LUC7L2: variants seen among roughly 807,000 people sequenced by gnomAD.
LUC7L2 encodes the protein putative RNA-binding protein Luc7-like 2.
Under a neutral mutation model 52.8 loss-of-function variants are expected in LUC7L2, and 25 were observed. That is an observed-to-expected ratio of 0.47 (90% CI 0.34 to 0.66). The LOEUF (loss-of-function observed/expected upper bound fraction) is 0.66, where lower values mean the gene tolerates loss of function less well. LUC7L2 is among the 30% of genes least tolerant of loss of function. LUC7L2 has a pLI of 0.01. For missense variants in LUC7L2, 328 were observed against 497.8 expected (o/e 0.66, Z 3.25); for synonymous variants, 144 against 160.9 (o/e 0.89, Z 0.80).
intron 1 of LUC7L2, among the ~76,000 whole-genome samples, chr7:139,342,918 C>T (rs992164784): frequency 1.3e-5 from 2 of 152,226 alleles, no homozygotes; most frequent in African/African-American, 4.8e-5. Flanking sequence ...GAAATGGTTT[C>T]TGTTTCCTTC....
At chr7:139,374,278 CTT>C in intron 1 of LUC7L2, 1 of 723,638 alleles carries the variant, frequency 1.4e-6, no homozygotes, top group Non-Finnish European at 2.3e-6. Context: ...ATTTTGTTCA[CTT>C]TTGTTTTTAT....
At chr7:139,348,877 AGGGCT>A (rs1799357994) in intron 1 of LUC7L2, among the ~76,000 whole-genome samples, 1 of 151,052 alleles carries the variant, frequency 6.6e-6, no homozygotes. Context: ...TAAAACACTT[AGGGCT>A]GGGCATGGTG....
At chr7:139,414,894 A>C (rs189934045) in intron 8 of LUC7L2, among the ~76,000 whole-genome samples, 1 of 151,742 alleles carries the variant, frequency 6.6e-6, no homozygotes, top group Non-Finnish European at 1.5e-5. Context: ...AACATCTTTT[A>C]ATTTTTTTTT....
rs369279070 is a variant in LUC7L2, at chr7:139,366,611, A to G, written c.61+6289A>G. The stretch of plus-strand genomic sequence containing the variant: ...ATGCCGATTCATATACATGATGTCT[A>G]TGGCTGCTTTGGCTTACGACAGCAG... On this transcript the variant is annotated intron_variant, in intron 1 of 9. Transcript: ENST00000354926. Among the ~76,000 whole-genome samples, 49 of 152,334 alleles carry G rather than the reference A, an allele frequency of 3.2e-4. 1 individual carries two copies. Among genetic ancestry groups the G allele is most frequent in the Middle Eastern group, 6.8e-3 (2 of 294 alleles).
At chr7:139,409,763 A>C in intron 7 of LUC7L2, 109 bp downstream of exon 7, 2 of 1,383,548 alleles carry the variant, frequency 1.4e-6, no homozygotes, top group South Asian at 3.6e-5. Flanking sequence ...GGACGTGGGA[A>C]ACTTCTGCTT....
chr7:139,367,349 G>T (rs1298063884), intron 1 of LUC7L2, among the ~76,000 whole-genome samples: 1 of 151,962 alleles, frequency 6.6e-6, no homozygotes, highest in Admixed American at 6.6e-5. Context: ...AAAATTTTAA[G>T]TTAATTTTAA....
intron 5 of LUC7L2, 55 bp from the exon 6 acceptor site, chr7:139,407,119 T>C: frequency 6.6e-7 from 1 of 1,518,006 alleles, no homozygotes; most frequent in Non-Finnish European, 8.8e-7. Flanking sequence ...TTTTATTTAA[T>C]TGTATGACTT....
rs965634512 is a variant in LUC7L2 at position 139,341,211 on chromosome 7, G to C, written c.-26+694G>C. 8 of 1,187,160 alleles carry C rather than the reference G, an allele frequency of 6.7e-6. No homozygotes were observed. The East Asian group carries it at 8.0e-5, about 12-fold the overall frequency. The allele number at this position is 1,187,160 out of a possible 1,614,324, so 73.5% of individuals were successfully genotyped here. A position where few individuals can be genotyped will look rare whatever the true frequency, so the allele number is the denominator to read the frequency against. ...CGTTTGATTTTGTTACGGCGCCCCT[G>C]GGCCTTCGATTAATAAGGTTCGGTC... On this transcript the variant is annotated intron_variant, in intron 1 of 10. Coordinates refer to the LUC7L2 transcript ENST00000541170.
At chr7:139,386,370 C>G (rs905681902) in intron 2 of LUC7L2, among the ~76,000 whole-genome samples, 1 of 151,084 alleles carries the variant, frequency 6.6e-6, no homozygotes, top group East Asian at 2.0e-4. Flanking sequence ...TACAAAATCT[C>G]TGTCACTGGA....
intron 7 of LUC7L2, 133 bp downstream of exon 7, chr7:139,409,787 T>C (rs1585128067): frequency 7.7e-7 from 1 of 1,293,440 alleles, no homozygotes; most frequent in Non-Finnish European, 1.0e-6. Flanking sequence ...TTAAAAAATA[T>C]TACTGTGCGA....
chr7:139,370,505 T>G (rs1004857490), intron 1 of LUC7L2, among the ~76,000 whole-genome samples: 1 of 152,220 alleles, frequency 6.6e-6, no homozygotes, highest in Non-Finnish European at 1.5e-5. Context: ...TGAGCCAGGC[T>G]GGAGTGCAGT....
chr7:139,357,952 A>AG (rs1799657197), upstream of LUC7L2, among the ~76,000 whole-genome samples: 1 of 151,688 alleles, frequency 6.6e-6, no homozygotes, highest in African/African-American at 2.4e-5. Context: ...GGCCTCCCAA[A>AG]GTGCTGGGAT....
chr7:139,345,513 A>T (rs1799230070), intron 1 of LUC7L2: 1 of 1,614,202 alleles, frequency 6.2e-7, no homozygotes, highest in Admixed American at 1.7e-5. Flanking sequence ...CACCAGTGAA[A>T]AGTTGTGCAG....
intron 4 of LUC7L2, 92 bp from the exon 5 acceptor site, chr7:139,405,552 T>A (rs1795082679): frequency 7.0e-7 from 1 of 1,432,224 alleles, no homozygotes; most frequent in Non-Finnish European, 9.2e-7. Context: ...CTGCCTTAGA[T>A]AACAAGTTTT....
chr7:139,366,248 T>TA (rs1323991767), intron 1 of LUC7L2, among the ~76,000 whole-genome samples: 1 of 152,254 alleles, frequency 6.6e-6, no homozygotes, highest in Non-Finnish European at 1.5e-5. Context: ...ATGTTTGACT[T>TA]ATTTGACTCA....
chr7:139,371,869 C>T (rs1181016486), intron 1 of LUC7L2, among the ~76,000 whole-genome samples: 1 of 152,076 alleles, frequency 6.6e-6, no homozygotes, highest in African/African-American at 2.4e-5. Context: ...TGGTGACAGA[C>T]CTGGAGATGA....
intron 2 of LUC7L2, chr7:139,392,705 G>C: frequency 5.2e-6 from 1 of 191,026 alleles, no homozygotes; most frequent in South Asian, 7.3e-5. Flanking sequence ...GCCCAGGCTG[G>C]AGTGCAATGG....
At chr7:139,365,970 A>C (rs1013620520) in intron 1 of LUC7L2, among the ~76,000 whole-genome samples, 1 of 152,216 alleles carries the variant, frequency 6.6e-6, no homozygotes, top group Non-Finnish European at 1.5e-5. Flanking sequence ...AAAATAGGTC[A>C]GTTGTTCAGT....
At chr7:139,356,569 G>C (rs898228238), upstream of LUC7L2, among the ~76,000 whole-genome samples, 6 of 150,232 alleles carry the variant, frequency 4.0e-5, no homozygotes, top group Non-Finnish European at 8.9e-5. Flanking sequence ...ATCACTTAAG[G>C]TCAGGAGTTT....
Sources: allele counts gnomAD v4.1 joint callset (sites outside exome capture counted in the v4.1 genomes callset), GRCh38; gene constraint gnomAD v4.1.1; transcripts MANE v1.5; gene names NCBI Gene and HGNC (gene_info 2026-07-23, HGNC 2026-07-21).